The following MEGF11 variants were observed in gnomAD, a reference collection of about 807,000 sequenced individuals.
MEGF11 encodes multiple EGF like domains 11, also known as multiple epidermal growth factor-like domains protein 11.
In MEGF11, 126 loss-of-function variants were observed where a neutral mutation model predicts 146.6. The observed-to-expected ratio is 0.86, with a 90% CI of 0.74 to 1.00. MEGF11 has a LOEUF of 1.00. Ranked by LOEUF, MEGF11 falls within the 50% of genes least tolerant of loss-of-function variation. MEGF11 has a pLI of 0.00. For synonymous variants in MEGF11, 532 were observed against 583.4 expected (o/e 0.91, Z 1.27); for missense variants, 1,509 against 1,521.2 (o/e 0.99, Z 0.13).
chr15:66,227,041 A>G (rs1205913299), intron 1 of MEGF11, among the ~76,000 whole-genome samples: 1 of 152,190 alleles, frequency 6.6e-6, no homozygotes, highest in East Asian at 1.9e-4. Flanking sequence ...GCGTGGAAAC[A>G]GGTCCACGGA....
chr15:66,109,609 G>T (rs900655615), intron 4 of MEGF11, among the ~76,000 whole-genome samples: 4 of 152,200 alleles, frequency 2.6e-5, no homozygotes, highest in Admixed American at 2.6e-4. Flanking sequence ...GTGCTCGGGG[G>T]CACACAGCTA....
intron 5 of MEGF11, among the ~76,000 whole-genome samples, chr15:66,031,267 T>C (rs1227294596): frequency 2.6e-5 from 4 of 152,166 alleles, no homozygotes; most frequent in African/African-American, 7.2e-5. Flanking sequence ...TGTTCCTCGA[T>C]GTTGGGTAGA....
chr15:66,023,796 CAG>C (rs1426765190), intron 5 of MEGF11, among the ~76,000 whole-genome samples: 4 of 152,208 alleles, frequency 2.6e-5, no homozygotes, highest in African/African-American at 9.6e-5. Context: ...CCTGCACTGT[CAG>C]AGAGTGCCAA....
chr15:65,920,082 C>T (rs2079128052), intron 15 of MEGF11, among the ~76,000 whole-genome samples: 1 of 152,218 alleles, frequency 6.6e-6, no homozygotes, highest in African/African-American at 2.4e-5. Flanking sequence ...GAAACTGAGG[C>T]AGGTTAAGTA....
intron 5 of MEGF11, among the ~76,000 whole-genome samples, chr15:65,989,788 G>A (rs893551032): frequency 2.0e-5 from 3 of 152,176 alleles, no homozygotes; most frequent in African/African-American, 7.2e-5. Flanking sequence ...AACAGGTTTG[G>A]ATCAGTGGTT....
intron 7 of MEGF11, among the ~76,000 whole-genome samples, chr15:65,976,654 G>A (rs1384299102): frequency 6.6e-6 from 1 of 152,230 alleles, no homozygotes. Context: ...AAGCCGCCTA[G>A]TCTGTGGCAC....
intron 5 of MEGF11, among the ~76,000 whole-genome samples, chr15:66,023,020 G>A (rs2083207324): frequency 1.3e-5 from 2 of 151,600 alleles, no homozygotes; most frequent in South Asian, 4.2e-4. Context: ...GGGTATGGTG[G>A]TGGATACCTG....
chr15:66,118,032 C>T (rs1364410608), intron 4 of MEGF11, among the ~76,000 whole-genome samples: 4 of 152,146 alleles, frequency 2.6e-5, no homozygotes, highest in South Asian at 2.1e-4. Context: ...CCCTCTGGTG[C>T]GAACTCTCTC....
At chr15:66,049,766 C>A (rs2084375987) in intron 5 of MEGF11, among the ~76,000 whole-genome samples, 2 of 152,192 alleles carry the variant, frequency 1.3e-5, no homozygotes, top group African/African-American at 4.8e-5. Flanking sequence ...GAGCTTCACT[C>A]CCTCAGGATC....
chr15:66,165,155 A>C (rs1000269486), intron 1 of MEGF11, among the ~76,000 whole-genome samples: 1 of 152,214 alleles, frequency 6.6e-6, no homozygotes, highest in African/African-American at 2.4e-5. Flanking sequence ...GCTGAGGGAA[A>C]TAAACCAGAA....
intron 1 of MEGF11, among the ~76,000 whole-genome samples, chr15:66,153,488 G>A (rs187849563): frequency 1.1e-4 from 16 of 152,094 alleles, no homozygotes; most frequent in East Asian, 1.9e-4. Flanking sequence ...GAGGAGAATC[G>A]CTTGAACCAG....
rs1360779403 is a variant in MEGF11 at position 65,970,489 on chromosome 15, C to G, written c.899+64G>C. The stretch of plus-strand genomic sequence containing the variant: ...CAGAGAGAGGGCTATGAGCTGTTCT[C>G]TGCAAGTCTCCTATGAATATGAGTA... On this transcript the variant is annotated intron_variant, in intron 8 of 25. Transcript: ENST00000395614. The G allele has an allele frequency of 6.4e-6, 10 of 1,557,154 alleles. No homozygotes were observed. The Admixed American group carries it at 8.7e-5, about 13-fold the overall frequency.
At position 65,958,412 on chromosome 15, in the gene MEGF11, GCCATCTGATCCAATA is replaced by G. The variant is rs58508655; in HGVS notation, c.1113-706_1113-692del. On this transcript the variant is annotated intron_variant, in intron 9 of 25. Coordinates refer to ENST00000395614, the MANE Select transcript of MEGF11 (RefSeq NM_001385028.1). ...AGAGTAGGGCAACCTCTAGCTGGCA[GCCATCTGATCCAATA>G]GCCAATGTCTATTCATGATCAGCGG... Among the ~76,000 whole-genome samples, 1,418 of 152,340 alleles carry G rather than the reference GCCATCTGATCCAATA, an allele frequency of 9.3e-3. 21 individuals carry two copies. The highest frequency in any genetic ancestry group is 0.03 in the African/African-American group (1,263 of 41,556).
Position 65,980,790 on chromosome 15 carries a change from G to T in MEGF11, c.750C>A (p.Pro250=), listed in dbSNP as rs1485630052. 1.2e-6 allele frequency: 2 copies of T among 1,605,574 alleles called. No homozygotes were observed. The highest frequency in any genetic ancestry group is 8.5e-7 in the Non-Finnish European group (1 of 1,176,292). The change falls in exon 7 of 26, where the codon CCC becomes CCA. Residue 250 remains proline, a synonymous_variant. Transcript: ENST00000395614. ...CHHITGECAC[P]PGWTGAVCAQ... ...TGGGCCCACTTACCGTCCAGCCTGG[G>T]GGGCAGGCACACTCGCCAGTGATGT...
Position 65,928,522 on chromosome 15 carries a change from G to A in MEGF11, c.1578C>T (p.Gly526=). Residue 526 remains glycine (G), a synonymous_variant, in exon 13 of 26, where the codon GGC becomes GGT. Coordinates refer to ENST00000395614, the MANE Select transcript of MEGF11 (RefSeq NM_001385028.1). ...GTTCACTGCAGTTCAGCCCAAATGT[G>A]CCATCCTGTGGAGAAGACAGGGAGA... ...GDTCELPCPD[G]TFGLNCSEHC... is the part of the protein sequence containing the mutation. 6.3e-7 allele frequency: 1 copy of A among 1,597,240 alleles called. No homozygotes were observed. Among genetic ancestry groups the A allele is most frequent in the Non-Finnish European group, 8.6e-7 (1 of 1,169,426 alleles).
intron 7 of MEGF11, among the ~76,000 whole-genome samples, chr15:65,974,719 G>C (rs2081396425): frequency 6.6e-6 from 1 of 152,182 alleles, no homozygotes; most frequent in African/African-American, 2.4e-5. Flanking sequence ...GGGTACTCCA[G>C]GCATGGCGGG....
chr15:66,068,123 T>A (rs971355827), intron 5 of MEGF11, among the ~76,000 whole-genome samples: 2 of 152,180 alleles, frequency 1.3e-5, no homozygotes, highest in African/African-American at 2.4e-5. Flanking sequence ...AATATATAGT[T>A]AGCAGTCAGC....
At chr15:65,967,201 C>T (rs1281502271) in intron 8 of MEGF11, 2 of 152,142 alleles carry the variant, frequency 1.3e-5, no homozygotes, top group East Asian at 3.8e-4. Flanking sequence ...ATAATTGGGG[C>T]TCAATTAGAA....
At chr15:66,234,880 TG>T (rs5813383) in intron 1 of MEGF11, among the ~76,000 whole-genome samples, 144,807 of 152,226 alleles carry the variant, frequency 0.95, 69,223 homozygotes, top group Non-Finnish European at 1. Context: ...GAGCCTCCAG[TG>T]GGGGAGTCCC....
Sources: gnomAD v4.1 joint callset for allele counts (sites outside exome capture counted in the v4.1 genomes callset) on GRCh38, gnomAD v4.1.1 for gene constraint, MANE v1.5 for transcripts, NCBI Gene and HGNC (gene_info 2026-07-23, HGNC 2026-07-21) for gene names.